Variants in SLC4A1AP observed in about 807,000 individuals in gnomAD.
The protein encoded by SLC4A1AP is kanadaptin.
Under a neutral mutation model 89.7 loss-of-function variants are expected in SLC4A1AP, and 64 were observed. That is an observed-to-expected ratio of 0.71 (90% CI 0.58 to 0.88). SLC4A1AP has a LOEUF of 0.88. Among genes scored for constraint, SLC4A1AP ranks in the 40% least tolerant of loss-of-function variants. The probability of loss-of-function intolerance (pLI) is 0.00; values close to 1 mark genes in which losing one functional copy is unlikely to be tolerated. For synonymous variants in SLC4A1AP, 366 were observed against 353.3 expected, an observed-to-expected ratio of 1.04 and a Z score of -0.40; for missense variants, 931 against 965.0, an observed-to-expected ratio of 0.96 and a Z score of 0.47.
At chr2:27,664,065 C>G in exon 1 of SLC4A1AP, 1 of 1,614,198 alleles carries the variant, frequency 6.2e-7, no homozygotes, top group Non-Finnish European at 8.5e-7. Context: ...GAAGGAAGGG[C>G]CCACTGCGTT....
At chr2:27,666,877 T>G (rs1322727943) in intron 2 of SLC4A1AP, among the ~76,000 whole-genome samples, 1 of 151,320 alleles carries the variant, frequency 6.6e-6, no homozygotes, top group African/African-American at 2.4e-5. Context: ...ATATATTTTT[T>G]TTTTTTTGGG....
At chr2:27,687,544 T>A (rs963356008) in intron 10 of SLC4A1AP, among the ~76,000 whole-genome samples, 11 of 152,168 alleles carry the variant, frequency 7.2e-5, no homozygotes, top group Admixed American at 5.9e-4. Flanking sequence ...TGAGCTATGA[T>A]TGCCCCACTG....
chr2:27,681,629 T>TC (rs1675621241), intron 8 of SLC4A1AP, among the ~76,000 whole-genome samples: 1 of 152,146 alleles, frequency 6.6e-6, no homozygotes, highest in African/African-American at 2.4e-5. Flanking sequence ...TGCTCTGTTC[T>TC]CCCCCTGCCT....
At chr2:27,678,641 G>T (rs559337217) in intron 8 of SLC4A1AP, among the ~76,000 whole-genome samples, 1 of 151,788 alleles carries the variant, frequency 6.6e-6, no homozygotes, top group Non-Finnish European at 1.5e-5. Flanking sequence ...CACAGGAAAA[G>T]AAATACAAAT....
rs1171316758 is a variant in SLC4A1AP, at chr2:27,677,282, T to C, written c.1507-13T>C. 1 of 1,577,980 alleles carries C rather than the reference T, an allele frequency of 6.3e-7. No individual in the cohort carries two copies. Among genetic ancestry groups the C allele is most frequent in the South Asian group, 1.1e-5 (1 of 89,690 alleles). On this transcript the variant is annotated splice_polypyrimidine_tract_variant and intron_variant, in intron 6 of 13. Transcript: ENST00000613058. ...AGAAAAACTTTGTAACCCTGTTGAT[T>C]TGGGTGTTACAGGTTGCAAAATTAA...
intron 6 of SLC4A1AP, among the ~76,000 whole-genome samples, chr2:27,676,829 CAAAA>C (rs150750243): frequency 2.1e-5 from 2 of 96,090 alleles, no homozygotes; most frequent in Non-Finnish European, 4.6e-5. Flanking sequence ...GACTCCATCT[CAAAA>C]AAAAAAAAAA....
intron 10 of SLC4A1AP, among the ~76,000 whole-genome samples, chr2:27,687,653 A>G (rs1414876309): frequency 1.3e-5 from 2 of 152,166 alleles, no homozygotes; most frequent in African/African-American, 4.8e-5. Context: ...CTGGGAGTAG[A>G]ATTTCTAGGC....
At chr2:27,690,770 A>G (rs1261269625) in intron 12 of SLC4A1AP, among the ~76,000 whole-genome samples, 1 of 152,034 alleles carries the variant, frequency 6.6e-6, no homozygotes, top group Admixed American at 6.6e-5. Context: ...TTCTGCATCT[A>G]TTGAGATGAT....
At chr2:27,665,342 A>T (rs1320280947) in intron 2 of SLC4A1AP, 47 bp downstream of exon 2, 4 of 1,475,710 alleles carry the variant, frequency 2.7e-6, no homozygotes, top group South Asian at 1.3e-5. Context: ...TAAGTTCATT[A>T]CAAGTGGTAC....
intron 12 of SLC4A1AP, 174 bp from the exon 13 acceptor site, chr2:27,693,511 A>G (rs531289012): frequency 1.7e-6 from 1 of 579,212 alleles, no homozygotes; most frequent in Non-Finnish European, 3.1e-6. Flanking sequence ...TGCTTGTCTG[A>G]AAAAGACTTT....
chr2:27,693,472 G>C, intron 12 of SLC4A1AP: 2 of 530,256 alleles, frequency 3.8e-6, no homozygotes, highest in Non-Finnish European at 6.7e-6. Context: ...TGTAGGTCTG[G>C]TCTGGTAGTG....
At chr2:27,679,341 G>T (rs988339037) in intron 8 of SLC4A1AP, among the ~76,000 whole-genome samples, 1 of 152,166 alleles carries the variant, frequency 6.6e-6, no homozygotes, top group Non-Finnish European at 1.5e-5. Flanking sequence ...TGCGGCTTAC[G>T]CCTGTAATCC....
intron 12 of SLC4A1AP, chr2:27,691,702 C>G (rs905536666): frequency 3.3e-5 from 5 of 151,782 alleles, no homozygotes; most frequent in Non-Finnish European, 7.4e-5. Flanking sequence ...AATTTTCCTG[C>G]CTCAGCTCTC....
intron 5 of SLC4A1AP, among the ~76,000 whole-genome samples, chr2:27,671,248 G>A (rs1675424250): frequency 6.6e-6 from 1 of 152,158 alleles, no homozygotes; most frequent in African/African-American, 2.4e-5. Flanking sequence ...CTAAGAACAA[G>A]AGTATGGTGT....
rs920996069 is a variant in SLC4A1AP at position 27,665,199 on chromosome 2, G to C, written c.925G>C (p.Gly309Arg). The C allele has an allele frequency of 5.6e-6, 9 of 1,613,740 alleles. No homozygotes were observed. Among genetic ancestry groups the C allele is most frequent in the Middle Eastern group, 1.7e-4 (1 of 6,056 alleles). Reference sequence around the variant, plus strand: ...AATATTGTTGGAGAAGAAGATGCTAGGAGAAGACTCAGATGAAGAAGAGGA... The same window carrying C: ...AATATTGTTGGAGAAGAAGATGCTACGAGAAGACTCAGATGAAGAAGAGGA... The change falls in exon 2 of 14, where the codon GGA (glycine) becomes CGA (arginine). Residue 309 changes from glycine to arginine, a missense_variant. By Grantham distance (125) the Gly-to-Arg change is moderately radical (BLOSUM62 -2). Coordinates refer to ENST00000613058, the Ensembl canonical transcript of SLC4A1AP.
chr2:27,670,016 A>G (rs1675396234), intron 5 of SLC4A1AP, among the ~76,000 whole-genome samples: 1 of 152,142 alleles, frequency 6.6e-6, no homozygotes, highest in Non-Finnish European at 1.5e-5. Context: ...GGCATGCACC[A>G]CCATGCCTGG....
chr2:27,667,629 AG>A (rs1169208083), intron 3 of SLC4A1AP, among the ~76,000 whole-genome samples: 1 of 152,174 alleles, frequency 6.6e-6, no homozygotes, highest in Non-Finnish European at 1.5e-5. Context: ...TCTTAAAAAA[AG>A]GAAGTACTTT....
At chr2:27,673,823 A>G (rs918627980) in intron 5 of SLC4A1AP, among the ~76,000 whole-genome samples, 1 of 152,188 alleles carries the variant, frequency 6.6e-6, no homozygotes, top group Non-Finnish European at 1.5e-5. Flanking sequence ...TAGAAGTCCA[A>G]TTCAAACTAG....
chr2:27,690,886 G>T (rs1675777645), intron 12 of SLC4A1AP, among the ~76,000 whole-genome samples: 1 of 152,102 alleles, frequency 6.6e-6, no homozygotes. Flanking sequence ...CTTGATCATG[G>T]TGTATTGAAT....
Sources: allele counts gnomAD v4.1 joint callset (sites outside exome capture counted in the v4.1 genomes callset), GRCh38; gene constraint gnomAD v4.1.1; transcripts MANE v1.5; gene names NCBI Gene and HGNC (gene_info 2026-07-23, HGNC 2026-07-21).